The following ZNF469 variants were observed in gnomAD, a reference collection of about 807,000 sequenced individuals.
ZNF469 encodes the protein zinc finger protein 469.
Under a neutral mutation model 1.0 loss-of-function variants are expected in ZNF469, and 1 was observed. That is an observed-to-expected ratio of 1.00 (90% confidence interval 0.35 to 4.73). ZNF469 has a LOEUF of 4.73. Ranked by LOEUF, ZNF469 falls within the 30% of genes most tolerant of loss-of-function variation. ZNF469 has a pLI of 0.16. For synonymous variants in ZNF469, 2,703 were observed against 2,363.4 expected, an observed-to-expected ratio of 1.14 and a Z score of -4.17; for missense variants, 6,100 against 5,356.3, an observed-to-expected ratio of 1.14 and a Z score of -4.33.
At chr16:88,229,639 G>GTGGATGTAACGCA in the ZNF469 span, among the ~76,000 whole-genome samples, 1 of 129,180 alleles carries the variant, frequency 7.7e-6, no homozygotes, top group South Asian at 3.0e-4. Flanking sequence ...GATGTCACGT[G>GTGGATGTAACGCA]TGTGTGCTGA....
the ZNF469 span, among the ~76,000 whole-genome samples, chr16:88,326,964 G>T: frequency 6.6e-6 from 1 of 152,080 alleles, no homozygotes; most frequent in Non-Finnish European, 1.5e-5. Context: ...CCTCCCCGTC[G>T]CTCTCCCTCC....
chr16:88,432,125 C>G lies in ZNF469; in HGVS notation c.4655C>G (p.Ala1552Gly). The change falls in exon 3 of 3, where the codon GCT (alanine) becomes GGT (glycine). Residue 1552 changes from alanine to glycine, a missense_variant. Physicochemically the swap from Ala to Gly is moderately conservative, Grantham distance 60. Coordinates refer to ENST00000565624, the MANE Select transcript of ZNF469 (RefSeq NM_001367624.2). ...GGGAAGGGGAGTGGATGTAGCGTTGCTCTTATGAGTCACCTGTCCGAGGAT... is the reference window on the plus strand; with the variant it reads ...GGGAAGGGGAGTGGATGTAGCGTTGGTCTTATGAGTCACCTGTCCGAGGAT... ...LPGKGSGCSV[A>G]LMSHLSEDEL... 6.4e-7 allele frequency: 1 copy of G among 1,550,470 alleles called. No individual in the cohort carries two copies. The highest frequency in any genetic ancestry group is 8.7e-7 in the Non-Finnish European group (1 of 1,147,010).
chr16:88,374,246 G>A, the ZNF469 span, among the ~76,000 whole-genome samples: 907 of 152,314 alleles, frequency 6.0e-3, 10 homozygotes, highest in African/African-American at 0.02. Context: ...TGACATATGT[G>A]TGCCAAAATA....
chr16:88,186,346 A>G, the ZNF469 span, among the ~76,000 whole-genome samples: 1 of 152,144 alleles, frequency 6.6e-6, no homozygotes, highest in Non-Finnish European at 1.5e-5. Flanking sequence ...TAAATCAGCC[A>G]ACAATGGGAG....
intron 1 of ZNF469, among the ~76,000 whole-genome samples, chr16:88,404,338 T>C (rs902158903): frequency 6.6e-6 from 1 of 152,174 alleles, no homozygotes; most frequent in Non-Finnish European, 1.5e-5. Flanking sequence ...AGCCAGGCCT[T>C]GAGAGGCCCG....
chr16:88,399,390 C>T (rs1904790591), intron 1 of ZNF469, among the ~76,000 whole-genome samples: 1 of 152,244 alleles, frequency 6.6e-6, no homozygotes, highest in African/African-American at 2.4e-5. Context: ...CATTCAATTA[C>T]TTGCCCAGAG....
chr16:88,404,751 A>G (rs1904980375), intron 1 of ZNF469, among the ~76,000 whole-genome samples: 1 of 152,056 alleles, frequency 6.6e-6, no homozygotes, highest in African/African-American at 2.4e-5. Flanking sequence ...AAAGGTAGCT[A>G]GGGACCACAG....
the ZNF469 span, among the ~76,000 whole-genome samples, chr16:88,345,110 T>A: frequency 0.065 from 9,903 of 151,930 alleles, 399 homozygotes; most frequent in East Asian, 0.14. Flanking sequence ...ATGGGGGGAG[T>A]GGATCCCGAG....
intron 1 of ZNF469, among the ~76,000 whole-genome samples, chr16:88,422,834 GATGGGTGGATGGA>G (rs1905530876): frequency 2.0e-5 from 3 of 150,032 alleles, no homozygotes; most frequent in Non-Finnish European, 4.4e-5. Flanking sequence ...GTGGGTGATG[GATGGGTGGATGGA>G]TGGATGGATG....
chr16:88,272,591 T>G, the ZNF469 span, among the ~76,000 whole-genome samples: 1 of 150,718 alleles, frequency 6.6e-6, no homozygotes, highest in East Asian at 2.0e-4. Flanking sequence ...AATGAACAGG[T>G]TGGTGTATGG....
At chr16:88,349,653 G>T in the ZNF469 span, among the ~76,000 whole-genome samples, 1 of 98,508 alleles carries the variant, frequency 1.0e-5, no homozygotes, top group African/African-American at 4.0e-5. Context: ...CACACAGCAG[G>T]CACAATACAC....
chr16:88,406,246 C>A (rs1905025957), intron 1 of ZNF469, among the ~76,000 whole-genome samples: 1 of 152,186 alleles, frequency 6.6e-6, no homozygotes, highest in African/African-American at 2.4e-5. Flanking sequence ...GGGTGTGTCT[C>A]AGGGTGGCCG....
rs539550777 is a variant in ZNF469, at chr16:88,433,007, C to T, written c.5537C>T (p.Thr1846Met). Residue 1846 changes from threonine to methionine, a missense_variant, in exon 3 of 3, where the codon ACG becomes ATG. Coordinates refer to ENST00000565624, the MANE Select transcript of ZNF469 (RefSeq NM_001367624.2). ...AGAGCAGGTGGGCACCTCCACCCCACGGCAGGGAGGCCTGGCTTTGAGGGT... is the reference window on the plus strand; with the variant it reads ...AGAGCAGGTGGGCACCTCCACCCCATGGCAGGGAGGCCTGGCTTTGAGGGT... ...AGRAGGHLHP[T>M]AGRPGFEGNE... 8.5e-5 allele frequency: 132 copies of T among 1,550,378 alleles called. 2 individuals are homozygous for T. The Admixed American group carries it at 1.7e-3, about 20-fold the overall frequency.
the ZNF469 span, among the ~76,000 whole-genome samples, chr16:88,362,645 G>T: frequency 2.6e-5 from 4 of 151,916 alleles, no homozygotes; most frequent in Non-Finnish European, 5.9e-5. Flanking sequence ...CTAGATTTTT[G>T]GTGCCATTTA....
At chr16:88,160,905 G>A in the ZNF469 span, among the ~76,000 whole-genome samples, 12 of 152,246 alleles carry the variant, frequency 7.9e-5, no homozygotes, top group Non-Finnish European at 1.6e-4. Flanking sequence ...CACTTTGGGA[G>A]GCCGAGGTGG....
At chr16:88,319,846 C>T in the ZNF469 span, among the ~76,000 whole-genome samples, 1 of 152,198 alleles carries the variant, frequency 6.6e-6, no homozygotes, top group Non-Finnish European at 1.5e-5. Flanking sequence ...GACCAAGCTG[C>T]TGGGTGAGGA....
chr16:88,229,482 C>A, the ZNF469 span, among the ~76,000 whole-genome samples: 1 of 152,074 alleles, frequency 6.6e-6, no homozygotes, highest in Non-Finnish European at 1.5e-5. Context: ...TCATTACGTG[C>A]GGTGCTTGTG....
the ZNF469 span, among the ~76,000 whole-genome samples, chr16:88,226,688 G>A: frequency 5.9e-5 from 9 of 151,710 alleles, 1 homozygote; most frequent in Admixed American, 3.3e-4. Flanking sequence ...CCCAGACCTC[G>A]AATGTCCCCT....
At chr16:88,353,937 G>A in the ZNF469 span, among the ~76,000 whole-genome samples, 40 of 152,260 alleles carry the variant, frequency 2.6e-4, no homozygotes, top group East Asian at 7.6e-3. Flanking sequence ...AAAGCCTGTC[G>A]TCTCAGCCCC....
Sources: allele counts gnomAD v4.1 joint callset (sites outside exome capture counted in the v4.1 genomes callset), GRCh38; gene constraint gnomAD v4.1.1; transcripts MANE v1.5; gene names NCBI Gene and HGNC (gene_info 2026-07-23, HGNC 2026-07-21).